RANBP2: variants seen among roughly 807,000 people sequenced by gnomAD.
RANBP2 encodes E3 SUMO-protein ligase RanBP2.
A neutral mutation model predicts 303.6 loss-of-function variants in RANBP2; 57 were observed. The observed-to-expected ratio is 0.19, with a 90% confidence interval of 0.15 to 0.23. The LOEUF is 0.23. Among genes scored for constraint, RANBP2 ranks in the 10% least tolerant of loss-of-function variants. RANBP2 has a pLI of 1.00. For synonymous variants in RANBP2, 1,167 were observed against 1,301.5 expected, an observed-to-expected ratio of 0.90 and a Z score of 2.23; for missense variants, 3,138 against 3,780.8, an observed-to-expected ratio of 0.83 and a Z score of 4.46.
At chr2:109,015,118 CAAAAAAAAAAAAAAAAAAAAAAA>C in the RANBP2 span, among the ~76,000 whole-genome samples, 69 of 68,804 alleles carry the variant, frequency 1.0e-3, no homozygotes, top group African/African-American at 3.1e-3. Flanking sequence ...GACTCCATCT[CAAAAAAAAAAAAAAAAAAAAAAA>C]AAAAAAAAAA....
At chr2:109,162,492 C>T in the RANBP2 span, among the ~76,000 whole-genome samples, 1 of 152,128 alleles carries the variant, frequency 6.6e-6, no homozygotes, top group Non-Finnish European at 1.5e-5. Flanking sequence ...TATACATGTG[C>T]CATGTTGGTG....
At chr2:108,736,440 A>G (rs1474494957) in intron 6 of RANBP2, among the ~76,000 whole-genome samples, 191 bp downstream of exon 6, 2 of 152,200 alleles carry the variant, frequency 1.3e-5, no homozygotes, top group Non-Finnish European at 2.9e-5. Context: ...TTGGTTTTAT[A>G]TGACTTTCCT....
the RANBP2 span, chr2:109,419,739 A>G: frequency 1.9e-5 from 23 of 1,181,150 alleles, no homozygotes; most frequent in African/African-American, 3.2e-4. Context: ...GGGTTTTCCC[A>G]TGTGTTACTA....
the RANBP2 span, among the ~76,000 whole-genome samples, chr2:109,401,240 A>T: frequency 1.9e-3 from 283 of 152,202 alleles, 1 homozygote; most frequent in African/African-American, 5.5e-3. Context: ...AACCTGAGCA[A>T]CTGTTGGCGA....
chr2:109,375,879 G>T, the RANBP2 span, among the ~76,000 whole-genome samples: 20 of 152,250 alleles, frequency 1.3e-4, no homozygotes, highest in Non-Finnish European at 2.2e-4. Context: ...AGTTCAGGGC[G>T]ATGCGGGCTT....
chr2:109,635,651 G>T, the RANBP2 span, among the ~76,000 whole-genome samples: 1 of 152,202 alleles, frequency 6.6e-6, no homozygotes, highest in Non-Finnish European at 1.5e-5. Flanking sequence ...ACCCTACCTC[G>T]TCTCAGATGG....
the RANBP2 span, among the ~76,000 whole-genome samples, chr2:109,084,060 C>A: frequency 6.6e-6 from 1 of 152,154 alleles, no homozygotes; most frequent in African/African-American, 2.4e-5. Flanking sequence ...ATTGCAAAGC[C>A]AATTGGTGTG....
the RANBP2 span, among the ~76,000 whole-genome samples, chr2:109,142,753 G>C: frequency 6.6e-6 from 1 of 152,198 alleles, no homozygotes; most frequent in East Asian, 1.9e-4. Context: ...GGCTTCACCT[G>C]CCAAAGCATC....
Position 108,731,351 on chromosome 2 carries a change from A to C in RANBP2, c.282A>C (p.Lys94Asn). The C allele has an allele frequency of 6.2e-7, 1 of 1,611,330 alleles. No homozygotes were observed. The highest frequency in any genetic ancestry group is 8.5e-7 in the Non-Finnish European group (1 of 1,179,528). The change falls in exon 4 of 29, where the codon AAA becomes AAC. Residue 94 changes from lysine (K) to asparagine (N), a missense_variant. Around this residue, in one of 20 missense-constraint regions of RANBP2, gnomAD observed 306 missense variants for 381.9 expected, o/e 0.80. Transcript: ENST00000283195. ...RRSVELNPTQKDLVLKIAELL... is the reference protein window; with the variant it reads ...RRSVELNPTQNDLVLKIAELL... ...CAGTGGAATTAAACCCAACACAAAA[A>C]GATCTTGTGTTGAAGATTGCAGAAT...
the RANBP2 span, chr2:109,432,756 C>CT: frequency 1.3e-6 from 2 of 1,487,752 alleles, no homozygotes; most frequent in Non-Finnish European, 1.8e-6. Flanking sequence ...GGAGGCTACT[C>CT]TGTCAGCCGG....
the RANBP2 span, among the ~76,000 whole-genome samples, chr2:109,549,015 C>G: frequency 2.6e-5 from 4 of 152,070 alleles, no homozygotes; most frequent in African/African-American, 9.7e-5. Flanking sequence ...TGCTTTTATT[C>G]CAGAGGATGC....
chr2:109,442,946 G>A, the RANBP2 span, among the ~76,000 whole-genome samples: 4 of 152,120 alleles, frequency 2.6e-5, no homozygotes, highest in East Asian at 3.8e-4. Flanking sequence ...AAAAACCAAC[G>A]ATATGCTGTG....
chr2:109,166,260 C>T, the RANBP2 span, among the ~76,000 whole-genome samples: 1 of 151,994 alleles, frequency 6.6e-6, no homozygotes, highest in Non-Finnish European at 1.5e-5. Context: ...AGGTGGATCA[C>T]GAGGTCAGGA....
At chr2:109,230,112 C>A in the RANBP2 span, among the ~76,000 whole-genome samples, 1,927 of 152,192 alleles carry the variant, frequency 0.013, 20 homozygotes, top group South Asian at 0.024. Flanking sequence ...GTGCGAGCCA[C>A]CGCACCTGGC....
At chr2:109,725,619 G>A in the RANBP2 span, among the ~76,000 whole-genome samples, 1 of 152,140 alleles carries the variant, frequency 6.6e-6, no homozygotes. Flanking sequence ...TTCTTGCTGA[G>A]GACTCTCGGG....
chr2:109,466,072 C>CTTTTTTTTTTTTTTTTTTTTTTTTTTTTT, the RANBP2 span, among the ~76,000 whole-genome samples: 2 of 82,334 alleles, frequency 2.4e-5, no homozygotes. Context: ...ACCTGTACAT[C>CTTTTTTTTTTTTTTTTTTTTTTTTTTTTT]TTTTTTTTTT....
At chr2:108,885,735 T>C in the RANBP2 span, among the ~76,000 whole-genome samples, 1 of 152,228 alleles carries the variant, frequency 6.6e-6, no homozygotes, top group Non-Finnish European at 1.5e-5. Flanking sequence ...TTGTACACTT[T>C]AACCCAGTTC....
At chr2:109,480,097 G>A in the RANBP2 span, among the ~76,000 whole-genome samples, 1 of 152,230 alleles carries the variant, frequency 6.6e-6, no homozygotes, top group East Asian at 1.9e-4. Context: ...CTTTAGCTGA[G>A]AGGTGATACT....
the RANBP2 span, among the ~76,000 whole-genome samples, chr2:108,866,807 C>T: frequency 1.8e-4 from 28 of 151,672 alleles, no homozygotes; most frequent in Admixed American, 1.7e-3. Context: ...TGCTTGAACC[C>T]GGGAGGTGGA....
Sources: gnomAD v4.1 joint callset for allele counts (sites outside exome capture counted in the v4.1 genomes callset) on GRCh38, gnomAD v4.1.1 for gene constraint, gnomAD v4.1.1 regional missense constraint, MANE v1.5 for transcripts, NCBI Gene and HGNC (gene_info 2026-07-23, HGNC 2026-07-21) for gene names.